ARHGEF9: variants seen among roughly 807,000 people sequenced by gnomAD.
ARHGEF9 encodes the protein Cdc42 guanine nucleotide exchange factor 9.
In ARHGEF9, 2 loss-of-function variants were observed where a neutral mutation model predicts 41.3. The ratio of observed to expected loss-of-function variants is 0.05; its 90% CI spans 0.02 to 0.15. The LOEUF is 0.15. Among genes scored for constraint, ARHGEF9 ranks in the 10% least tolerant of loss-of-function variants. The probability of loss-of-function intolerance (pLI) is 1.00; values close to 1 mark genes in which losing one functional copy is unlikely to be tolerated. For synonymous variants in ARHGEF9, 160 were observed against 154.4 expected (o/e 1.04, Z -0.27); for missense variants, 225 against 424.7 (o/e 0.53, Z 4.13).
rs1215335898 is a variant in ARHGEF9 at position 63,736,908 on chromosome X, A to C, written c.31-12197T>G. ...ATGTAGTATGTGTTTTATAAAAAAA[A>C]ACTCCACAAAATAGAAATTAAATAA... is the stretch of plus-strand genomic sequence containing the variant. On this transcript the variant is annotated intron_variant, in intron 1 of 9. Coordinates refer to ENST00000671741, the MANE Select transcript of ARHGEF9 (RefSeq NM_001353921.2). The C allele has an allele frequency of 8.8e-4, 99 of 111,919 alleles. 2 individuals carry two copies. The highest frequency in any genetic ancestry group is 3.1e-3 in the African/African-American group (95 of 30,817). 9.2% of individuals were successfully genotyped at this position (111,919 alleles called of 1,213,427 possible).
At chrX:63,780,105 G>C (rs1182857336) in intron 1 of ARHGEF9, among the ~76,000 whole-genome samples, 1 of 111,728 alleles carries the variant, frequency 9.0e-6, no homozygotes, top group Non-Finnish European at 1.9e-5. Flanking sequence ...ATTTTCTTGA[G>C]CTTTAGCACT....
chrX:63,729,939 C>A (rs1488162791), intron 1 of ARHGEF9, among the ~76,000 whole-genome samples: 2 of 112,250 alleles, frequency 1.8e-5, no homozygotes, highest in Non-Finnish European at 3.8e-5. Context: ...GAAGACAATC[C>A]TAATATCAAA....
intron 4 of ARHGEF9, among the ~76,000 whole-genome samples, chrX:63,690,341 A>G (rs1165308465): frequency 8.9e-6 from 1 of 111,934 alleles, no homozygotes. Flanking sequence ...AAGGATCATT[A>G]CAGAGAATAT....
chrX:63,754,408 A>T (rs880003252), intron 1 of ARHGEF9: 19 of 903,942 alleles, frequency 2.1e-5, no homozygotes, highest in Admixed American at 1.3e-4. Flanking sequence ...TCTGTCTGTG[A>T]TTTTTTTTTT....
At chrX:63,755,596 T>A (rs1354915463) in intron 1 of ARHGEF9, among the ~76,000 whole-genome samples, 1 of 109,226 alleles carries the variant, frequency 9.2e-6, no homozygotes, top group African/African-American at 3.3e-5. Flanking sequence ...AAAGAAGGAA[T>A]GGGGGAAAAA....
intron 1 of ARHGEF9, among the ~76,000 whole-genome samples, chrX:63,728,558 C>A (rs2054107689): frequency 8.9e-6 from 1 of 112,449 alleles, no homozygotes; most frequent in Admixed American, 9.4e-5. Flanking sequence ...ATGTAATTGT[C>A]AGCATGTAAT....
intron 1 of ARHGEF9, among the ~76,000 whole-genome samples, chrX:63,729,682 C>T (rs2054165925): frequency 8.9e-6 from 1 of 111,946 alleles, no homozygotes; most frequent in Non-Finnish European, 1.9e-5. Context: ...ACTCAAAGAG[C>T]TCTGAGCCTT....
rs182926423 is a variant in ARHGEF9 at position 63,743,065 on chromosome X, G to A, written c.31-18354C>T. Among the ~76,000 whole-genome samples, 133 of 111,872 alleles carry A rather than the reference G, an allele frequency of 1.2e-3. 1 individual carries two copies. Among genetic ancestry groups the A allele is most frequent in the African/African-American group, 4.2e-3 (128 of 30,788 alleles). Reference sequence around the variant, plus strand: ...AGCCTGGCCACCATGGCAAAACCCCGTCTCTACTAGAAATACAAAAATTAG... The same window carrying A: ...AGCCTGGCCACCATGGCAAAACCCCATCTCTACTAGAAATACAAAAATTAG... On this transcript the variant is annotated intron_variant, in intron 1 of 9. Transcript: ENST00000671741.
chrX:63,727,695 G>C (rs1295862910), intron 1 of ARHGEF9: 6 of 111,789 alleles, frequency 5.4e-5, no homozygotes, highest in African/African-American at 2.0e-4. Flanking sequence ...AAGGTGTAAT[G>C]ATAATTATGA....
At chrX:63,731,290 A>G (rs1556419890) in intron 1 of ARHGEF9, among the ~76,000 whole-genome samples, 1 of 111,951 alleles carries the variant, frequency 8.9e-6, no homozygotes, top group Admixed American at 9.5e-5. Flanking sequence ...TCCCTTAAGC[A>G]TATCTAAAAC....
rs374753195 is a variant in ARHGEF9, at chrX:63,638,127, G to T, written c.1473C>A (p.Asp491Glu). 3.7e-5 allele frequency: 45 copies of T among 1,204,739 alleles called. No homozygotes were observed. In the African/African-American group the frequency reaches 7.4e-4, roughly 20 times the overall value. ...PLNHGQYLVPDGIAQSQVFEF... is the reference protein window; with the variant it reads ...PLNHGQYLVPEGIAQSQVFEF... ...CAAAGACCTGCGACTGAGCGATGCC[G>T]TCGGGGACCAGGTACTGGCCGTGGT... The change falls in exon 10 of 10, where the codon GAC becomes GAA. Residue 491 changes from aspartate to glutamate, a missense_variant. Asp to Glu is a conservative substitution (Grantham distance 45, BLOSUM62 2). This residue lies in a region of ARHGEF9 where 75 missense variants were observed against 113.2 expected (regional missense o/e 0.66). Transcript: ENST00000671741.
chrX:63,717,194 T>C (rs1376988657), intron 2 of ARHGEF9, among the ~76,000 whole-genome samples: 2 of 112,420 alleles, frequency 1.8e-5, no homozygotes, highest in Non-Finnish European at 3.8e-5. Flanking sequence ...TTCCTACATA[T>C]AACACAATGT....
At chrX:63,705,299 G>A (rs1210853452) in intron 3 of ARHGEF9, among the ~76,000 whole-genome samples, 2 of 109,193 alleles carry the variant, frequency 1.8e-5, no homozygotes, top group Non-Finnish European at 3.8e-5. Flanking sequence ...CTGGAAGGAA[G>A]GAGACAAAAA....
intron 1 of ARHGEF9, among the ~76,000 whole-genome samples, chrX:63,733,572 T>A (rs1324738098): frequency 8.9e-6 from 1 of 112,681 alleles, no homozygotes; most frequent in Non-Finnish European, 1.9e-5. Flanking sequence ...ATTAATGCAC[T>A]CAAGTGATAA....
chrX:63,662,436 G>T (rs1217937153), intron 7 of ARHGEF9, among the ~76,000 whole-genome samples: 1 of 111,753 alleles, frequency 8.9e-6, no homozygotes, highest in Non-Finnish European at 1.9e-5. Context: ...AGTTTTATAG[G>T]ATATGACTTG....
intron 1 of ARHGEF9, chrX:63,727,720 A>G (rs1556417926): frequency 8.9e-6 from 1 of 112,113 alleles, no homozygotes. Flanking sequence ...GTTAGCTAAT[A>G]AAGAGCGCTA....
chrX:63,755,106 C>A (rs1214736499), intron 1 of ARHGEF9: 138 of 937,460 alleles, frequency 1.5e-4, no homozygotes, highest in Non-Finnish European at 1.6e-4. Context: ...CTGGCCCTAT[C>A]CCTCTTCTCT....
chrX:63,724,711 G>C lies in ARHGEF9; in HGVS notation c.31C>G (p.Leu11Val). MQWIRGGSGM[L>V]ITGDSIVSAE... Reference sequence around the variant, plus strand: ...CTAACGATGGAATCTCCAGTGATCAGCTTAGGAGACAAAATGAGAATGTGT... The same window carrying C: ...CTAACGATGGAATCTCCAGTGATCACCTTAGGAGACAAAATGAGAATGTGT... The change falls in exon 2 of 10, where the codon CTG (leucine) becomes GTG (valine). Residue 11 changes from leucine to valine, a missense_variant and splice_region_variant. By Grantham distance (32) the Leu-to-Val change is conservative (BLOSUM62 1). Coordinates refer to ENST00000671741, the MANE Select transcript of ARHGEF9 (RefSeq NM_001353921.2). The C allele has an allele frequency of 8.3e-7, 1 of 1,210,541 alleles. No homozygotes were observed. Among genetic ancestry groups the C allele is most frequent in the Non-Finnish European group, 1.1e-6 (1 of 894,705 alleles).
intron 9 of ARHGEF9, chrX:63,642,145 G>A (rs1424284566): frequency 9.0e-6 from 1 of 111,526 alleles, no homozygotes; most frequent in Non-Finnish European, 1.9e-5. Flanking sequence ...GAACGCTGAA[G>A]AATACAGTGG....
Sources: allele counts gnomAD v4.1 joint callset (sites outside exome capture counted in the v4.1 genomes callset), GRCh38; gene constraint gnomAD v4.1.1; regional missense constraint gnomAD v4.1.1; transcripts MANE v1.5; gene names NCBI Gene and HGNC (gene_info 2026-07-23, HGNC 2026-07-21).